ACTR3C: variants seen among roughly 807,000 people sequenced by gnomAD.
The protein encoded by ACTR3C is actin-related protein 3C.
A neutral mutation model predicts 26.3 loss-of-function variants in ACTR3C; 18 were observed. The ratio of observed to expected loss-of-function variants is 0.68; its 90% CI spans 0.47 to 1.01. The LOEUF is 1.01. ACTR3C is among the 50% of genes least tolerant of loss of function. The pLI, the probability that ACTR3C is intolerant of heterozygous loss-of-function variation, is 0.00. For missense variants in ACTR3C, 184 were observed against 250.7 expected (o/e 0.73, Z 1.80); for synonymous variants, 55 against 94.5 (o/e 0.58, Z 2.42).
the ACTR3C span, among the ~76,000 whole-genome samples, chr7:150,028,140 C>T: frequency 6.6e-6 from 1 of 152,302 alleles, no homozygotes; most frequent in East Asian, 1.9e-4. Flanking sequence ...AATGATTATG[C>T]AGGCTTTCCA....
chr7:150,040,762 T>G, the ACTR3C span: 1 of 145,016 alleles, frequency 6.9e-6, no homozygotes, highest in Non-Finnish European at 1.5e-5. Flanking sequence ...CCTAAGCCAG[T>G]GGGGGAAGAG....
chr7:149,992,613 G>A, the ACTR3C span, among the ~76,000 whole-genome samples: 4 of 152,212 alleles, frequency 2.6e-5, no homozygotes, highest in Non-Finnish European at 4.4e-5. Flanking sequence ...CCACGTGGAG[G>A]AGACTGCGAT....
At chr7:150,060,521 TAC>T in the ACTR3C span, among the ~76,000 whole-genome samples, 2 of 152,174 alleles carry the variant, frequency 1.3e-5, no homozygotes, top group African/African-American at 4.8e-5. Context: ...CCTCTCCACT[TAC>T]AGTTTTTGAT....
At chr7:150,256,778 T>A (rs1220616762) in intron 6 of ACTR3C, among the ~76,000 whole-genome samples, 3 of 150,592 alleles carry the variant, frequency 2.0e-5, no homozygotes, top group Non-Finnish European at 4.4e-5. Flanking sequence ...AAAAAAAAAA[T>A]AAACACATGT....
the ACTR3C span, among the ~76,000 whole-genome samples, chr7:150,194,666 CTTA>C: frequency 6.6e-6 from 1 of 152,036 alleles, no homozygotes; most frequent in African/African-American, 2.4e-5. Context: ...CTGATTTGTG[CTTA>C]TTGTTTTCAT....
the ACTR3C span, among the ~76,000 whole-genome samples, chr7:149,927,279 A>G: frequency 1.4e-4 from 22 of 152,118 alleles, no homozygotes; most frequent in Non-Finnish European, 2.4e-4. Context: ...AAAATGCTGC[A>G]TTACATAATT....
the ACTR3C span, among the ~76,000 whole-genome samples, chr7:149,898,238 C>G: frequency 5.1e-3 from 781 of 152,206 alleles, 3 homozygotes; most frequent in African/African-American, 0.018. Flanking sequence ...CATCTCTGAC[C>G]ACACCATTCA....
the ACTR3C span, among the ~76,000 whole-genome samples, chr7:150,016,082 G>C: frequency 7.2e-4 from 110 of 151,994 alleles, 3 homozygotes; most frequent in African/African-American, 2.5e-3. Context: ...CTGCTACCAA[G>C]CACACTCATC....
the ACTR3C span, among the ~76,000 whole-genome samples, chr7:150,029,426 A>AAACAAAAAAACAAAAAAC: frequency 7.1e-4 from 92 of 129,612 alleles, 2 homozygotes; most frequent in African/African-American, 2.7e-3. Context: ...AACAAACAAA[A>AAACAAAAAAACAAAAAAC]AAAAACCATG....
chr7:150,110,537 GGGCTT>G, the ACTR3C span, among the ~76,000 whole-genome samples: 3 of 95,070 alleles, frequency 3.2e-5, no homozygotes, highest in African/African-American at 1.2e-4. Context: ...GAAGAGGGTG[GGGCTT>G]ACTAAGAGAT....
intron 1 of ACTR3C, among the ~76,000 whole-genome samples, chr7:150,317,338 C>A (rs1227479499): frequency 3.9e-5 from 6 of 152,198 alleles, no homozygotes; most frequent in Admixed American, 3.9e-4. Context: ...CAGGTGTAGG[C>A]CACTGCGCCC....
chr7:150,169,569 A>C, the ACTR3C span, among the ~76,000 whole-genome samples: 141 of 150,242 alleles, frequency 9.4e-4, 1 homozygote, highest in Non-Finnish European at 1.6e-3. Flanking sequence ...AAAAAAATGA[A>C]TGCTGTTGAA....
intron 6 of ACTR3C, among the ~76,000 whole-genome samples, chr7:150,262,712 T>C (rs189469928): frequency 6.6e-6 from 1 of 152,222 alleles, no homozygotes; most frequent in Non-Finnish European, 1.5e-5. Context: ...CATCTACATC[T>C]AACATTTTAT....
At chr7:150,198,743 G>A in the ACTR3C span, among the ~76,000 whole-genome samples, 1 of 145,738 alleles carries the variant, frequency 6.9e-6, no homozygotes, top group South Asian at 2.1e-4. Context: ...ACCCCGTCCG[G>A]GAGGGAGGTG....
chr7:150,242,421 G>A (rs181227251), downstream of ACTR3C, among the ~76,000 whole-genome samples: 4 of 150,716 alleles, frequency 2.7e-5, no homozygotes, highest in African/African-American at 1.0e-4. Flanking sequence ...GGAGCTTTTC[G>A]GAGTTGGGAA....
rs151076528 is a variant in ACTR3C at position 150,307,959 on chromosome 7, T to C, written c.-51-12612A>G. Among the ~76,000 whole-genome samples, 1,018 of 152,314 alleles carry C rather than the reference T, an allele frequency of 6.7e-3. 18 individuals are homozygous for C. Among genetic ancestry groups the C allele is most frequent in the African/African-American group, 0.023 (936 of 41,562 alleles). On this transcript the variant is annotated intron_variant, in intron 1 of 7. Transcript: ENST00000683684. Reference sequence around the variant, plus strand: ...TCTCTCCCTTCCCTTCATTTCCTTTTGCTTTCTGGTAGAGACAGAGAAGAC... The same window carrying C: ...TCTCTCCCTTCCCTTCATTTCCTTTCGCTTTCTGGTAGAGACAGAGAAGAC...
chr7:150,289,441 T>A lies in ACTR3C; in HGVS notation c.297+9A>T. 2 of 1,571,288 alleles carry A rather than the reference T, an allele frequency of 1.3e-6. No individual in the cohort carries two copies. Among genetic ancestry groups the A allele is most frequent in the Non-Finnish European group, 1.7e-6 (2 of 1,162,142 alleles). ...CCCCCAAACCAGCCGGTTTCCCATC[T>A]GTTTTTACCTTAATGGCTTTTGCGG... On this transcript the variant is annotated intron_variant, in intron 4 of 7. Coordinates refer to ENST00000683684, the MANE Select transcript of ACTR3C (RefSeq NM_001164458.2).
the ACTR3C span, among the ~76,000 whole-genome samples, chr7:149,944,975 G>A: frequency 6.6e-6 from 1 of 151,912 alleles, no homozygotes; most frequent in Non-Finnish European, 1.5e-5. Flanking sequence ...CAAATGTGTG[G>A]GGTTGATCTC....
chr7:150,221,724 G>A, the ACTR3C span, among the ~76,000 whole-genome samples: 1 of 152,120 alleles, frequency 6.6e-6, no homozygotes, highest in Admixed American at 6.5e-5. Flanking sequence ...GCCGGGCACG[G>A]TGGCTCACGC....
Sources: gnomAD v4.1 joint callset for allele counts (sites outside exome capture counted in the v4.1 genomes callset) on GRCh38, gnomAD v4.1.1 for gene constraint, MANE v1.5 for transcripts, NCBI Gene and HGNC (gene_info 2026-07-23, HGNC 2026-07-21) for gene names.